Variants in LARGE1 observed in about 807,000 individuals in gnomAD.
LARGE1 encodes xylosyl- and glucuronyltransferase LARGE1.
A neutral mutation model predicts 87.6 loss-of-function variants in LARGE1; 43 were observed. The ratio of observed to expected loss-of-function variants is 0.49; its 90% CI spans 0.38 to 0.63. LARGE1 has a LOEUF of 0.63. Among genes scored for constraint, LARGE1 ranks in the 30% least tolerant of loss-of-function variants. The pLI, the probability that LARGE1 is intolerant of heterozygous loss-of-function variation, is 0.00. For missense variants in LARGE1, 802 were observed against 1,000.2 expected (o/e 0.80, Z 2.67); for synonymous variants, 434 against 394.6 (o/e 1.10, Z -1.18).
At chr22:33,784,268 T>A (rs2085526768) in intron 1 of LARGE1, among the ~76,000 whole-genome samples, 1 of 152,216 alleles carries the variant, frequency 6.6e-6, no homozygotes, top group Admixed American at 6.5e-5. Context: ...TCTACATACA[T>A]GAGTGCTTCA....
the LARGE1 span, among the ~76,000 whole-genome samples, chr22:33,147,783 A>G: frequency 6.6e-6 from 1 of 152,178 alleles, no homozygotes; most frequent in African/African-American, 2.4e-5. Context: ...TTATAAATTC[A>G]TATAACTTCC....
intron 12 of LARGE1, among the ~76,000 whole-genome samples, chr22:33,289,464 A>G (rs978371733): frequency 6.6e-6 from 1 of 152,172 alleles, no homozygotes; most frequent in African/African-American, 2.4e-5. Context: ...CTTATCTCTC[A>G]TCTCTCAGGG....
At chr22:33,572,261 C>T (rs1602501385) in intron 5 of LARGE1, 1 of 1,243,064 alleles carries the variant, frequency 8.0e-7, no homozygotes, top group East Asian at 5.7e-5. Context: ...CATGTTGTTT[C>T]TGAGTGGTTG....
At chr22:33,278,866 C>T (rs899993601) in intron 13 of LARGE1, among the ~76,000 whole-genome samples, 1 of 152,098 alleles carries the variant, frequency 6.6e-6, no homozygotes, top group Non-Finnish European at 1.5e-5. Flanking sequence ...ACTACAGGCA[C>T]GCATCACCAC....
chr22:33,584,663 C>T (rs1480931448), intron 5 of LARGE1, among the ~76,000 whole-genome samples: 3 of 147,728 alleles, frequency 2.0e-5, no homozygotes, highest in Non-Finnish European at 4.5e-5. Flanking sequence ...CAGCTGGTTT[C>T]CCTGTGCTAC....
chr22:33,244,310 CTT>C (rs890526531), intron 11 of LARGE1, among the ~76,000 whole-genome samples: 1 of 152,054 alleles, frequency 6.6e-6, no homozygotes, highest in African/African-American at 2.4e-5. Flanking sequence ...TTTTTAAAGT[CTT>C]TTCATATTCA....
intron 11 of LARGE1, among the ~76,000 whole-genome samples, chr22:33,233,993 A>G (rs983473151): frequency 2.0e-5 from 3 of 152,206 alleles, no homozygotes; most frequent in African/African-American, 7.2e-5. Context: ...CCATGGACCA[A>G]AATGTCCTAC....
intron 6 of LARGE1, among the ~76,000 whole-genome samples, chr22:33,542,548 T>A (rs1017311868): frequency 2.0e-5 from 3 of 150,540 alleles, no homozygotes; most frequent in African/African-American, 7.4e-5. Flanking sequence ...ATTTTGTTTA[T>A]TCAATAACTA....
At chr22:33,359,560 CTTTTTTTTTTTT>C (rs539990533) in intron 9 of LARGE1, among the ~76,000 whole-genome samples, 1 of 119,240 alleles carries the variant, frequency 8.4e-6, no homozygotes, top group Non-Finnish European at 1.8e-5. Context: ...GCAGACTCAT[CTTTTTTTTTTTT>C]TTTTTTTTTG....
the LARGE1 span, among the ~76,000 whole-genome samples, chr22:33,073,095 T>G: frequency 6.6e-6 from 1 of 152,242 alleles, no homozygotes; most frequent in East Asian, 1.9e-4. Flanking sequence ...ACAGGTCGTC[T>G]GTTGACCGAT....
intron 2 of LARGE1, among the ~76,000 whole-genome samples, chr22:33,680,466 G>A (rs956244841): frequency 1.3e-5 from 2 of 149,144 alleles, no homozygotes; most frequent in Admixed American, 6.6e-5. Flanking sequence ...AGAATGGGGT[G>A]GGGGGCAGAA....
At chr22:33,225,741 C>T (rs1925702100) in intron 11 of LARGE1, among the ~76,000 whole-genome samples, 1 of 152,048 alleles carries the variant, frequency 6.6e-6, no homozygotes, top group African/African-American at 2.4e-5. Context: ...GCCCCACTGT[C>T]TGTTGTTCCC....
At chr22:33,865,159 A>G (rs1248710049) in intron 1 of LARGE1, among the ~76,000 whole-genome samples, 3 of 152,178 alleles carry the variant, frequency 2.0e-5, no homozygotes, top group African/African-American at 7.2e-5. Context: ...TTTGCTCCAT[A>G]GCCCCAAGTC....
rs2179057 is a variant in LARGE1, at chr22:33,379,055, T to G, written c.1131+2864A>C. Among the ~76,000 whole-genome samples the G allele has an allele frequency of 1.8e-3, 278 of 151,904 alleles. 2 individuals carry two copies. Among genetic ancestry groups the G allele is most frequent in the African/African-American group, 6.4e-3 (266 of 41,418 alleles). On this transcript the variant is annotated intron_variant, in intron 9 of 14. Transcript: ENST00000397394. ...TGGGCACACCACCCTGCAGCAACAA[T>G]AGTGTTCACCAACCCAGAAGTTCAT...
chr22:33,159,333 G>A (rs1280652721), downstream of LARGE1, among the ~76,000 whole-genome samples: 1 of 152,062 alleles, frequency 6.6e-6, no homozygotes, highest in Admixed American at 6.6e-5. Flanking sequence ...TTTGACAAAA[G>A]CAAAATATCT....
At chr22:33,595,759 G>C (rs2078960193) in intron 5 of LARGE1, among the ~76,000 whole-genome samples, 1 of 152,158 alleles carries the variant, frequency 6.6e-6, no homozygotes, top group African/African-American at 2.4e-5. Context: ...GTCCAAATCT[G>C]GCCATGCCCA....
intron 11 of LARGE1, among the ~76,000 whole-genome samples, chr22:33,263,509 T>C (rs749451780): frequency 2.0e-5 from 3 of 152,320 alleles, no homozygotes; most frequent in Non-Finnish European, 2.9e-5. Context: ...TCAATAGCCA[T>C]GTAGAGAGCA....
At chr22:33,799,571 G>A (rs1268499845) in intron 1 of LARGE1, among the ~76,000 whole-genome samples, 2 of 152,210 alleles carry the variant, frequency 1.3e-5, no homozygotes, top group East Asian at 3.9e-4. Flanking sequence ...TGCCCAGGTA[G>A]CTGGGATTAC....
chr22:33,171,172 G>A (rs999214179), intron 11 of LARGE1, among the ~76,000 whole-genome samples: 8 of 152,170 alleles, frequency 5.3e-5, no homozygotes, highest in Non-Finnish European at 8.8e-5. Flanking sequence ...AAATTTCTAA[G>A]CAGCAAAGCA....
Sources: allele counts gnomAD v4.1 joint callset (sites outside exome capture counted in the v4.1 genomes callset), GRCh38; gene constraint gnomAD v4.1.1; transcripts MANE v1.5; gene names NCBI Gene and HGNC (gene_info 2026-07-23, HGNC 2026-07-21).